Variants in SORL1 observed in about 807,000 individuals in gnomAD.
SORL1 encodes sortilin related receptor 1.
SORL1 carries 127 observed loss-of-function variants against 273.7 expected under a neutral mutation model. That is an observed-to-expected ratio of 0.46 (90% CI 0.40 to 0.54). The LOEUF (loss-of-function observed/expected upper bound fraction) is 0.54, where lower values mean the gene tolerates loss of function less well. Ranked by LOEUF, SORL1 falls within the 20% of genes least tolerant of loss-of-function variation. SORL1 has a pLI of 0.00. For missense variants in SORL1, 2,494 were observed against 2,846.1 expected, an observed-to-expected ratio of 0.88 and a Z score of 2.81; for synonymous variants, 1,031 against 1,067.4, an observed-to-expected ratio of 0.97 and a Z score of 0.66.
intron 4 of SORL1, 83 bp downstream of exon 4, chr11:121,488,276 AC>A (rs1170724203): frequency 8.0e-6 from 11 of 1,371,430 alleles, no homozygotes; most frequent in Non-Finnish European, 1.1e-5. Context: ...CCTTTGAGTG[AC>A]CTCGCCTCCT....
intron 11 of SORL1, 29 bp downstream of exon 11, chr11:121,523,018 TC>T: frequency 7.2e-7 from 1 of 1,385,128 alleles, no homozygotes; most frequent in Non-Finnish European, 1.0e-6. Context: ...TCCCGTCCCC[TC>T]CACCCTCATT....
At chr11:121,501,625 G>A (rs1469476855) in intron 6 of SORL1, among the ~76,000 whole-genome samples, 1 of 152,218 alleles carries the variant, frequency 6.6e-6, no homozygotes, top group African/African-American at 2.4e-5. Flanking sequence ...CATGGCTTAC[G>A]TGGCGGCAGG....
intron 31 of SORL1, 37 bp downstream of exon 31, chr11:121,591,193 C>T (rs372762215): frequency 2.9e-5 from 46 of 1,609,450 alleles, no homozygotes; most frequent in Non-Finnish European, 3.9e-5. Flanking sequence ...GTGGTACCTG[C>T]TATTGTGGAG....
chr11:121,616,236 C>A (rs1387525230), intron 41 of SORL1, among the ~76,000 whole-genome samples: 1 of 152,190 alleles, frequency 6.6e-6, no homozygotes, highest in Non-Finnish European at 1.5e-5. Flanking sequence ...TCCAATTGTG[C>A]ATGAAGTTGG....
chr11:121,546,709 G>A (rs1862431795), intron 14 of SORL1, among the ~76,000 whole-genome samples: 1 of 152,176 alleles, frequency 6.6e-6, no homozygotes, highest in Non-Finnish European at 1.5e-5. Context: ...TTTGCCCATG[G>A]CAGTGCCCAT....
intron 8 of SORL1, among the ~76,000 whole-genome samples, chr11:121,519,302 G>A (rs1239059000): frequency 2.0e-5 from 3 of 152,078 alleles, no homozygotes; most frequent in South Asian, 2.1e-4. Context: ...TCAGAGATCC[G>A]CTCTATTTGT....
At chr11:121,454,399 G>A (rs1299640019) in intron 1 of SORL1, among the ~76,000 whole-genome samples, 1 of 152,218 alleles carries the variant, frequency 6.6e-6, no homozygotes, top group African/African-American at 2.4e-5. Context: ...TCTTTCTTGG[G>A]TTTGGTTTAT....
intron 35 of SORL1, among the ~76,000 whole-genome samples, chr11:121,606,412 A>G (rs980237604): frequency 2.0e-5 from 3 of 152,310 alleles, no homozygotes; most frequent in Non-Finnish European, 4.4e-5. Flanking sequence ...GATCAAATTC[A>G]TTTGGATATA....
At chr11:121,504,636 C>T (rs973588875) in intron 6 of SORL1, among the ~76,000 whole-genome samples, 5 of 152,104 alleles carry the variant, frequency 3.3e-5, no homozygotes, top group Admixed American at 6.5e-5. Flanking sequence ...CTAAAAGAGA[C>T]AACATCATCC....
chr11:121,523,265 T>G (rs1486638706), intron 11 of SORL1, among the ~76,000 whole-genome samples: 1 of 152,216 alleles, frequency 6.6e-6, no homozygotes, highest in Non-Finnish European at 1.5e-5. Context: ...TTTACTGACT[T>G]CTTTATCCTT....
intron 30 of SORL1, chr11:121,590,532 C>T (rs1440989758): frequency 1.9e-6 from 1 of 528,600 alleles, no homozygotes; most frequent in Non-Finnish European, 3.4e-6. Context: ...TAATAAGCCC[C>T]CAGGTCCTGT....
intron 32 of SORL1, among the ~76,000 whole-genome samples, chr11:121,600,154 AT>A (rs1863365290): frequency 6.6e-6 from 1 of 152,170 alleles, no homozygotes; most frequent in Non-Finnish European, 1.5e-5. Flanking sequence ...TTAATGTGCT[AT>A]TCATTATTCT....
chr11:121,563,976 C>A lies in SORL1; in HGVS notation c.3050-2964C>A, dbSNP rs1337779242. On this transcript the variant is annotated intron_variant, in intron 21 of 47. Transcript: ENST00000260197. The surrounding 1 kb of genome is among the most constrained non-coding windows in gnomAD (Gnocchi z 4.2). ...ATACTTGAGATGATGACATTTTTGG[C>A]TCCTAAAGTATTCCTGGAGGAATTT... Among the ~76,000 whole-genome samples the A allele has an allele frequency of 6.6e-6, 1 of 152,190 alleles. No homozygotes were observed. Among genetic ancestry groups the A allele is most frequent in the Non-Finnish European group, 1.5e-5 (1 of 68,028 alleles).
chr11:121,589,126 T>C, intron 28 of SORL1, 133 bp from the exon 29 acceptor site: 1 of 948,840 alleles, frequency 1.1e-6, no homozygotes, highest in Non-Finnish European at 1.7e-6. Flanking sequence ...GCTTTTGCTT[T>C]CAAGGCATGG....
intron 6 of SORL1, among the ~76,000 whole-genome samples, chr11:121,510,601 C>A (rs1861862825): frequency 6.6e-6 from 1 of 152,180 alleles, no homozygotes; most frequent in Admixed American, 6.5e-5. Context: ...CAGCACGAAA[C>A]TTCTGTTTTT....
rs1403859004 is a variant in SORL1, at chr11:121,543,481, A to G, written c.1686-67A>G. 8 of 1,340,580 alleles carry G rather than the reference A, an allele frequency of 6.0e-6. No homozygotes were observed. In the Admixed American group the frequency reaches 1.3e-4, roughly 22 times the overall value. The allele number at this position is 1,340,580 out of a possible 1,614,324, so 83.0% of individuals were successfully genotyped here. A position where few individuals can be genotyped will look rare whatever the true frequency, so the allele number is the denominator to read the frequency against. ...CTGGTTCCTGTTCCTGGTGAATGTT[A>G]TATGGAAACCAAGCCTTTGCCTTAG... On this transcript the variant is annotated intron_variant, in intron 12 of 47. Coordinates refer to ENST00000260197, the MANE Select transcript of SORL1 (RefSeq NM_003105.6).
chr11:121,625,122 T>C lies in SORL1; in HGVS notation c.6209T>C (p.Ile2070Thr). 1 of 1,613,674 alleles carries C rather than the reference T, an allele frequency of 6.2e-7. No individual in the cohort carries two copies. Among genetic ancestry groups the C allele is most frequent in the East Asian group, 2.2e-5 (1 of 44,880 alleles). ...CACATGTTTGATAGTGCCATGAATA[T>C]CACAGCTTACCTTGGGAATACTACT... The part of the protein sequence containing the change: ...EIHMFDSAMN[I>T]TAYLGNTTDN... Residue 2070 changes from isoleucine to threonine, a missense_variant, in exon 46 of 48, where the codon ATC (isoleucine) becomes ACC (threonine). Coordinates refer to ENST00000260197, the MANE Select transcript of SORL1 (RefSeq NM_003105.6).
intron 7 of SORL1, among the ~76,000 whole-genome samples, 165 bp downstream of exon 7, chr11:121,513,269 G>C (rs541451586): frequency 6.6e-6 from 1 of 152,352 alleles, no homozygotes; most frequent in Non-Finnish European, 1.5e-5. Context: ...GTGGTCTGTG[G>C]TTCCCACTTC....
Position 121,558,639 on chromosome 11 carries a change from G to A in SORL1, c.2712G>A (p.Arg904=), listed in dbSNP as rs568365490. 4.3e-6 allele frequency: 7 copies of A among 1,614,088 alleles called. No individual in the cohort carries two copies. In the Admixed American group the frequency reaches 5.0e-5, roughly 12 times the overall value. Residue 904 remains arginine (R), a synonymous_variant, in exon 20 of 48, where the codon CGG becomes CGA. Coordinates refer to ENST00000260197, the MANE Select transcript of SORL1 (RefSeq NM_003105.6). ...GAGACCTGAAGCCTGGGATTTATCGGAGCAATATGGATGGTTCTGCTGCCT... is the reference window on the plus strand; with the variant it reads ...GAGACCTGAAGCCTGGGATTTATCGAAGCAATATGGATGGTTCTGCTGCCT... The part of the protein sequence containing the change: ...DWGDLKPGIY[R]SNMDGSAAYH...
Sources: allele counts gnomAD v4.1 joint callset (sites outside exome capture counted in the v4.1 genomes callset), GRCh38; gene constraint gnomAD v4.1.1; non-coding constraint Gnocchi (gnomAD v3.1); transcripts MANE v1.5; gene names NCBI Gene and HGNC (gene_info 2026-07-23, HGNC 2026-07-21).